SH3KBP1: variants seen among roughly 807,000 people sequenced by gnomAD.
SH3KBP1 encodes the protein SH3 domain-containing kinase-binding protein 1.
A neutral mutation model predicts 50.1 loss-of-function variants in SH3KBP1; 8 were observed. The ratio of observed to expected loss-of-function variants is 0.16; its 90% CI spans 0.09 to 0.29. SH3KBP1 has a LOEUF of 0.29. Ranked by LOEUF, SH3KBP1 falls within the 10% of genes least tolerant of loss-of-function variation. SH3KBP1 has a pLI of 1.00. For synonymous variants in SH3KBP1, 227 were observed against 218.6 expected, an observed-to-expected ratio of 1.04 and a Z score of -0.34; for missense variants, 377 against 535.2, an observed-to-expected ratio of 0.70 and a Z score of 2.92.
At chrX:19,649,272 C>A (rs1002404596) in intron 6 of SH3KBP1, among the ~76,000 whole-genome samples, 2 of 111,867 alleles carry the variant, frequency 1.8e-5, no homozygotes, top group Non-Finnish European at 3.8e-5. Flanking sequence ...ATTCACCTCC[C>A]GGGGGATCTG....
intron 3 of SH3KBP1, among the ~76,000 whole-genome samples, chrX:19,736,371 A>G (rs1257285312): frequency 4.4e-5 from 5 of 112,403 alleles, no homozygotes; most frequent in African/African-American, 1.6e-4. Flanking sequence ...CAACTTGTCT[A>G]AAGTGCTGCA....
At chrX:19,625,629 G>A (rs1258580844) in intron 8 of SH3KBP1, among the ~76,000 whole-genome samples, 1 of 111,960 alleles carries the variant, frequency 8.9e-6, no homozygotes, top group Non-Finnish European at 1.9e-5. Flanking sequence ...ATTTCAAAAC[G>A]CGAGCATCAG....
chrX:19,813,325 CT>C (rs368618894), intron 2 of SH3KBP1, among the ~76,000 whole-genome samples: 254 of 101,138 alleles, frequency 2.5e-3, no homozygotes, highest in Middle Eastern at 0.01. Context: ...CTGCCCATTT[CT>C]TTTTTTTTTT....
At chrX:19,666,288 T>A (rs2062596209) in intron 6 of SH3KBP1, among the ~76,000 whole-genome samples, 1 of 111,219 alleles carries the variant, frequency 9.0e-6, no homozygotes, top group Non-Finnish European at 1.9e-5. Context: ...AAAGATAAAT[T>A]CATCTTTTTT....
intron 7 of SH3KBP1, among the ~76,000 whole-genome samples, chrX:19,636,511 C>T (rs1441667932): frequency 9.0e-6 from 1 of 111,485 alleles, no homozygotes; most frequent in African/African-American, 3.3e-5. Context: ...CTATTAAAAT[C>T]ACCAAAATGT....
rs373648741 is a variant in SH3KBP1 at position 19,693,646 on chromosome X, T to C, written c.520+1966A>G. ...GAAAATGCCCCTTCTGAGCAGGTGA[T>C]GACATAATGCTAAATGGGAAGACCA... On this transcript the variant is annotated intron_variant, in intron 5 of 17. Coordinates refer to ENST00000397821, the MANE Select transcript of SH3KBP1 (RefSeq NM_031892.3). 7.7e-4 allele frequency among the ~76,000 whole-genome samples: 86 copies of C among 111,606 alleles called. 1 individual carries two copies. The South Asian group carries it at 0.032, about 41-fold the overall frequency.
At chrX:19,537,389 C>T (rs780655938) in intron 17 of SH3KBP1, among the ~76,000 whole-genome samples, 1 of 106,212 alleles carries the variant, frequency 9.4e-6, no homozygotes, top group South Asian at 4.2e-4. Flanking sequence ...ACCCGGGAGG[C>T]GGAGGTTGCA....
chrX:19,734,470 G>A (rs1312754618), intron 3 of SH3KBP1, among the ~76,000 whole-genome samples: 2 of 111,943 alleles, frequency 1.8e-5, no homozygotes, highest in East Asian at 5.6e-4. Context: ...AGAGAAAGAG[G>A]CAGACAGACA....
chrX:19,566,299 A>G (rs1453519392), intron 13 of SH3KBP1, among the ~76,000 whole-genome samples: 1 of 94,622 alleles, frequency 1.1e-5, no homozygotes. Context: ...CTATAGGTGA[A>G]CCCGCCCCCC....
chrX:19,810,168 C>CA (rs1357123892), intron 2 of SH3KBP1, among the ~76,000 whole-genome samples: 1 of 112,025 alleles, frequency 8.9e-6, no homozygotes, highest in Non-Finnish European at 1.9e-5. Context: ...GCCATCAGGA[C>CA]AGACACAGGG....
chrX:19,661,473 G>A (rs190243142), intron 6 of SH3KBP1, among the ~76,000 whole-genome samples: 69 of 110,707 alleles, frequency 6.2e-4, no homozygotes, highest in Middle Eastern at 4.6e-3. Flanking sequence ...TATGGCAAAA[G>A]GACTGAAAGT....
At chrX:19,824,138 T>C (rs1414194354) in intron 2 of SH3KBP1, among the ~76,000 whole-genome samples, 1 of 112,197 alleles carries the variant, frequency 8.9e-6, no homozygotes, top group Non-Finnish European at 1.9e-5. Flanking sequence ...TTAATTCTAA[T>C]GGACTTAAAT....
At chrX:19,675,583 T>G (rs779980914) in intron 6 of SH3KBP1, among the ~76,000 whole-genome samples, 12 of 110,634 alleles carry the variant, frequency 1.1e-4, no homozygotes, top group Non-Finnish European at 1.9e-4. Context: ...TTTTTGAATT[T>G]TTAGTAGAGA....
intron 2 of SH3KBP1, among the ~76,000 whole-genome samples, chrX:19,760,380 C>T: frequency 9.6e-6 from 1 of 104,193 alleles, no homozygotes; most frequent in East Asian, 3.0e-4. Flanking sequence ...GAGTGAGATT[C>T]TGTCTCAAAA....
chrX:19,721,770 G>A (rs2064065353), intron 3 of SH3KBP1, among the ~76,000 whole-genome samples: 1 of 111,167 alleles, frequency 9.0e-6, no homozygotes, highest in Non-Finnish European at 1.9e-5. Context: ...AGGTCAAGGT[G>A]GAAGGATCCC....
At chrX:19,816,258 G>A (rs760138139) in intron 2 of SH3KBP1, among the ~76,000 whole-genome samples, 1 of 112,139 alleles carries the variant, frequency 8.9e-6, no homozygotes, top group Non-Finnish European at 1.9e-5. Context: ...TTCCTCTAAT[G>A]ACTAATGATG....
chrX:19,541,251 C>T (rs2064883723), intron 16 of SH3KBP1, among the ~76,000 whole-genome samples: 1 of 111,933 alleles, frequency 8.9e-6, no homozygotes, highest in South Asian at 3.8e-4. Context: ...TTTGTCATTG[C>T]AAACCACATC....
intron 3 of SH3KBP1, among the ~76,000 whole-genome samples, chrX:19,723,424 T>C (rs958484219): frequency 5.3e-5 from 6 of 112,187 alleles, no homozygotes; most frequent in Non-Finnish European, 9.4e-5. Context: ...AAGATTCTCG[T>C]CAACTTAATA....
chrX:19,668,974 A>ATATATATATATATATT (rs1491195501), intron 6 of SH3KBP1, among the ~76,000 whole-genome samples: 1 of 63,872 alleles, frequency 1.6e-5, no homozygotes. Flanking sequence ...ATATATATAT[A>ATATATATATATATATT]TTTTTTGAGA....
Sources: allele counts gnomAD v4.1 joint callset (sites outside exome capture counted in the v4.1 genomes callset), GRCh38; gene constraint gnomAD v4.1.1; transcripts MANE v1.5; gene names NCBI Gene and HGNC (gene_info 2026-07-23, HGNC 2026-07-21).